Variants in SIPA1L1 observed in about 807,000 individuals in gnomAD.
SIPA1L1 encodes signal induced proliferation associated 1 like 1, also known as signal-induced proliferation-associated 1-like protein 1.
Under a neutral mutation model 162.7 loss-of-function variants are expected in SIPA1L1, and 26 were observed. The observed-to-expected ratio is 0.16, with a 90% CI of 0.12 to 0.22. The LOEUF (loss-of-function observed/expected upper bound fraction) is 0.22, where lower values mean the gene tolerates loss of function less well. SIPA1L1 is among the 10% of genes least tolerant of loss of function. The probability of loss-of-function intolerance (pLI) is 1.00; values close to 1 mark genes in which losing one functional copy is unlikely to be tolerated. For missense variants in SIPA1L1, 1,874 were observed against 2,241.0 expected (o/e 0.84, Z 3.31); for synonymous variants, 829 against 837.4 (o/e 0.99, Z 0.17).
At chr14:71,704,621 C>G (rs1376378503) in intron 15 of SIPA1L1, 2 of 794,546 alleles carry the variant, frequency 2.5e-6, no homozygotes, top group Non-Finnish European at 4.4e-6. Flanking sequence ...TTCTTTATCT[C>G]TCACTTTTGG....
intron 2 of SIPA1L1, among the ~76,000 whole-genome samples, chr14:71,401,716 T>C (rs140046529): frequency 1.4e-3 from 210 of 152,166 alleles, no homozygotes; most frequent in Non-Finnish European, 2.5e-3. Flanking sequence ...AAATGTTAAA[T>C]GAATGCTAAG....
intron 4 of SIPA1L1, among the ~76,000 whole-genome samples, chr14:71,547,024 G>T (rs908450260): frequency 6.6e-6 from 1 of 151,854 alleles, no homozygotes; most frequent in Non-Finnish European, 1.5e-5. Context: ...AGCCAGAAGC[G>T]TAGTTGTCAG....
At chr14:71,418,161 G>A (rs2042939725) in intron 2 of SIPA1L1, 1 of 152,156 alleles carries the variant, frequency 6.6e-6, no homozygotes, top group African/African-American at 2.4e-5. Context: ...ATGCCAAATA[G>A]TTACCTCTTT....
In SIPA1L1 at chr14:71,552,554, G is replaced by A. The variant is rs975178217; in HGVS notation, c.-303+23184G>A. 2.0e-5 allele frequency among the ~76,000 whole-genome samples: 3 copies of A among 152,000 alleles called. No homozygotes were observed. In the South Asian group the frequency reaches 6.2e-4, roughly 32 times the overall value. On this transcript the variant is annotated intron_variant, in intron 4 of 23. Coordinates refer to ENST00000381232, the MANE Select transcript of SIPA1L1 (RefSeq NM_001386936.1). ...CTACAGGCGCCCGCCACCACGCCCGGCTAATTTTTTTTTTTGTATTTTTAG... is the reference window on the plus strand; with the variant it reads ...CTACAGGCGCCCGCCACCACGCCCGACTAATTTTTTTTTTTGTATTTTTAG...
intron 8 of SIPA1L1, among the ~76,000 whole-genome samples, chr14:71,655,589 AGT>A (rs2042986903): frequency 6.6e-6 from 1 of 152,120 alleles, no homozygotes; most frequent in Non-Finnish European, 1.5e-5. Context: ...TCCCATGAAC[AGT>A]GTATGTATAT....
At chr14:71,367,464 G>A (rs963274738) in intron 2 of SIPA1L1, among the ~76,000 whole-genome samples, 15 of 151,596 alleles carry the variant, frequency 9.9e-5, no homozygotes, top group East Asian at 3.9e-4. Flanking sequence ...CCGCCACCGC[G>A]CCCGGCTAAT....
At chr14:71,452,199 C>CA (rs1280222437) in intron 2 of SIPA1L1, among the ~76,000 whole-genome samples, 1 of 151,858 alleles carries the variant, frequency 6.6e-6, no homozygotes, top group Non-Finnish European at 1.5e-5. Context: ...ATTTCAGTAC[C>CA]AACCACCCCC....
intron 2 of SIPA1L1, among the ~76,000 whole-genome samples, chr14:71,346,196 G>T (rs958707945): frequency 6.6e-6 from 1 of 152,084 alleles, no homozygotes; most frequent in African/African-American, 2.4e-5. Flanking sequence ...GTGAGCCACC[G>T]CACCCAGTCA....
At position 71,739,349 on chromosome 14, in the gene SIPA1L1, A is replaced by T. The variant is rs2085606828; in HGVS notation, c.*188A>T. 1 of 411,882 alleles carries T rather than the reference A, an allele frequency of 2.4e-6. No homozygotes were observed. Among genetic ancestry groups the T allele is most frequent in the Non-Finnish European group, 4.2e-6 (1 of 239,836 alleles). 25.5% of individuals were successfully genotyped at this position (411,882 alleles called of 1,614,324 possible). Reference sequence around the variant, plus strand: ...ATCACCTGCCTTTTGTAGAAAAGAAAAACAAAAAAAGTAAATAAAAATTTT... The same window carrying T: ...ATCACCTGCCTTTTGTAGAAAAGAATAACAAAAAAAGTAAATAAAAATTTT... On this transcript the variant is annotated 3_prime_UTR_variant, in exon 24 of 24. Transcript: ENST00000381232.
At chr14:71,581,107 T>G (rs2033868480) in intron 4 of SIPA1L1, among the ~76,000 whole-genome samples, 1 of 152,160 alleles carries the variant, frequency 6.6e-6, no homozygotes, top group Non-Finnish European at 1.5e-5. Context: ...TGATATAAAA[T>G]GTTTGATTTT....
intron 2 of SIPA1L1, among the ~76,000 whole-genome samples, chr14:71,445,077 A>G (rs910035162): frequency 6.6e-6 from 1 of 152,222 alleles, no homozygotes; most frequent in Non-Finnish European, 1.5e-5. Flanking sequence ...GGAGAAAGAA[A>G]ACATGTTCAT....
intron 2 of SIPA1L1, among the ~76,000 whole-genome samples, chr14:71,441,444 T>C (rs1301992321): frequency 1.3e-5 from 2 of 152,210 alleles, no homozygotes; most frequent in African/African-American, 4.8e-5. Context: ...GTTGAACCTT[T>C]AGCCATCTAG....
chr14:71,504,955 T>C (rs1470817432), intron 2 of SIPA1L1, among the ~76,000 whole-genome samples: 1 of 152,150 alleles, frequency 6.6e-6, no homozygotes. Flanking sequence ...GTAGACAAAT[T>C]TGAGTGCTTT....
intron 19 of SIPA1L1, among the ~76,000 whole-genome samples, chr14:71,727,971 A>C (rs1302872608): frequency 6.6e-6 from 1 of 152,186 alleles, no homozygotes; most frequent in Non-Finnish European, 1.5e-5. Flanking sequence ...ACCCTGCTTA[A>C]AGAAGCTCTT....
chr14:71,733,196 G>A (rs542000386), intron 20 of SIPA1L1, among the ~76,000 whole-genome samples: 2 of 152,228 alleles, frequency 1.3e-5, no homozygotes, highest in Admixed American at 6.5e-5. Context: ...GGGCTACAGA[G>A]TGAGAATATG....
At chr14:71,556,227 C>A (rs1223969510) in intron 4 of SIPA1L1, among the ~76,000 whole-genome samples, 1 of 152,172 alleles carries the variant, frequency 6.6e-6, no homozygotes, top group Admixed American at 6.5e-5. Flanking sequence ...TTGTGAATTG[C>A]CTACTGTTTC....
intron 12 of SIPA1L1, among the ~76,000 whole-genome samples, chr14:71,684,584 G>T (rs1158393340): frequency 2.0e-5 from 3 of 152,230 alleles, no homozygotes; most frequent in Non-Finnish European, 4.4e-5. Context: ...GCAATGTGCG[G>T]TGGCGGGAAT....
chr14:71,551,248 T>A (rs549589642), intron 4 of SIPA1L1, among the ~76,000 whole-genome samples: 93 of 152,324 alleles, frequency 6.1e-4, no homozygotes, highest in Middle Eastern at 3.4e-3. Context: ...AACCTTGATG[T>A]GTGTCTAGGG....
chr14:71,669,296 T>C (rs2044304333), intron 10 of SIPA1L1, among the ~76,000 whole-genome samples: 1 of 152,150 alleles, frequency 6.6e-6, no homozygotes, highest in Admixed American at 6.5e-5. Flanking sequence ...GTTCTATCAA[T>C]TAATAAATGG....
Sources: gnomAD v4.1 joint callset for allele counts (sites outside exome capture counted in the v4.1 genomes callset) on GRCh38, gnomAD v4.1.1 for gene constraint, MANE v1.5 for transcripts, NCBI Gene and HGNC (gene_info 2026-07-23, HGNC 2026-07-21) for gene names.